Variants in AMPD3 observed in about 807,000 individuals in gnomAD.
The protein encoded by AMPD3 is AMP deaminase 3.
In AMPD3, 57 loss-of-function variants were observed where a neutral mutation model predicts 82.3. That is an observed-to-expected ratio of 0.69 (90% confidence interval 0.56 to 0.86). The LOEUF is 0.86. Ranked by LOEUF, AMPD3 falls within the 40% of genes least tolerant of loss-of-function variation. The pLI is 0.00. For synonymous variants in AMPD3, 381 were observed against 394.7 expected (o/e 0.97, Z 0.41); for missense variants, 870 against 1,003.8 (o/e 0.87, Z 1.80).
In AMPD3 at chr11:10,495,006, A is replaced by T. The variant is rs1262442280; in HGVS notation, c.1242A>T (p.Gly414=). The change falls in exon 8 of 15, where the codon GGA becomes GGT. Residue 414 remains glycine (G), a synonymous_variant. Coordinates refer to ENST00000396553, the MANE Select transcript of AMPD3 (RefSeq NM_001025389.2). ...LYLKTENYLG[G]EYFARMVKEV... ...TGAAAACTGAAAACTATCTGGGAGG[A>T]GAGTACTTTGCTCGGATGGTCAAGG... The T allele has an allele frequency of 6.2e-7, 1 of 1,614,208 alleles. No homozygotes were observed. Among genetic ancestry groups the T allele is most frequent in the Non-Finnish European group, 8.5e-7 (1 of 1,180,026 alleles).
intron 2 of AMPD3, among the ~76,000 whole-genome samples, chr11:10,463,084 C>T (rs1848318508): frequency 6.6e-6 from 1 of 152,174 alleles, no homozygotes; most frequent in Non-Finnish European, 1.5e-5. Context: ...GATTTTCTGC[C>T]TGCCCGGTAC....
intron 4 of AMPD3, chr11:10,484,189 A>G: frequency 1.0e-6 from 1 of 955,906 alleles, no homozygotes. Context: ...ACAGCAGGGA[A>G]ATTGCATAGA....
Position 10,478,597 on chromosome 11 carries a change from GC to G in AMPD3, c.299del (p.Pro100ArgfsTer60), listed in dbSNP as rs751130603. On this transcript the variant is annotated frameshift_variant, in exon 3 of 15. Coordinates refer to ENST00000396553, the MANE Select transcript of AMPD3 (RefSeq NM_001025389.2). LOFTEE classifies it high-confidence loss of function. The stretch of plus-strand genomic sequence containing the variant: ...ATGCCGCCACAGCAAGATTGGAAGG[GC>G]CCCCCGGCAGCCAGTCCGGCCATGT... ...LQMPPQQDWK[G>X]PPAASPAMSP... 11 of 1,614,032 alleles carry G rather than the reference GC, an allele frequency of 6.8e-6. No homozygotes were observed. In the African/African-American group the frequency reaches 1.1e-4, roughly 16 times the overall value.
At chr11:10,462,838 G>C (rs1290948000) in intron 2 of AMPD3, among the ~76,000 whole-genome samples, 1 of 152,218 alleles carries the variant, frequency 6.6e-6, no homozygotes, top group Non-Finnish European at 1.5e-5. Context: ...AAAGAAGCTA[G>C]CTATGTGGCC....
At chr11:10,457,231 G>C (rs1445428872) in intron 1 of AMPD3, among the ~76,000 whole-genome samples, 1 of 151,740 alleles carries the variant, frequency 6.6e-6, no homozygotes, top group East Asian at 1.9e-4. Flanking sequence ...ATCCTCTTCA[G>C]CCTCCCAAAT....
intron 10 of AMPD3, among the ~76,000 whole-genome samples, chr11:10,497,935 A>G (rs950754647): frequency 1.3e-5 from 2 of 152,324 alleles, no homozygotes; most frequent in Admixed American, 1.3e-4. Flanking sequence ...CGTGTTGGAC[A>G]CGGTGTTGAG....
At chr11:10,452,042 G>C (rs2133799127), upstream of AMPD3, among the ~76,000 whole-genome samples, 1 of 152,250 alleles carries the variant, frequency 6.6e-6, no homozygotes, top group African/African-American at 2.4e-5. Context: ...CCCTCTCTAG[G>C]AATAATGACA....
chr11:10,465,465 A>G (rs1848391577), intron 2 of AMPD3, among the ~76,000 whole-genome samples: 1 of 152,266 alleles, frequency 6.6e-6, no homozygotes, highest in South Asian at 2.1e-4. Flanking sequence ...TGCAGCTCCC[A>G]GTGAGATCGA....
At position 10,505,861 on chromosome 11, in the gene AMPD3, G is replaced by A; in HGVS notation, c.2281G>A (p.Glu761Lys). The A allele has an allele frequency of 6.2e-7, 1 of 1,614,160 alleles. No homozygotes were observed. Among genetic ancestry groups the A allele is most frequent in the East Asian group, 2.2e-5 (1 of 44,880 alleles). Reference protein sequence around the residue: ...SFLSDAMKSEEITALTN With the variant: ...SFLSDAMKSEKITALTN ...CCTGTCTGATGCTATGAAATCAGAA[G>A]AGATCACCGCCTTGACCAACTAGGT... The change falls in exon 15 of 15, where the codon GAG becomes AAG. Residue 761 changes from glutamate (E) to lysine (K), a missense_variant. Transcript: ENST00000396553.
chr11:10,478,839 T>G, intron 3 of AMPD3, 109 bp downstream of exon 3: 11 of 1,218,310 alleles, frequency 9.0e-6, no homozygotes, highest in Non-Finnish European at 1.3e-5. Flanking sequence ...CGTGGATGTC[T>G]GGGAGAAGGT....
At chr11:10,497,861 C>A in intron 10 of AMPD3, 1 of 983,472 alleles carries the variant, frequency 1.0e-6, no homozygotes, top group Non-Finnish European at 1.2e-6. Flanking sequence ...CTAAGCCTCA[C>A]AATTACCCCG....
At chr11:10,495,189 G>A in intron 8 of AMPD3, 159 bp downstream of exon 8, 2 of 985,412 alleles carry the variant, frequency 2.0e-6, no homozygotes, top group Non-Finnish European at 2.4e-6. Flanking sequence ...CTGTGGTCTG[G>A]CTGCCTGCTC....
intron 4 of AMPD3, chr11:10,484,446 T>C: frequency 1.0e-6 from 1 of 985,368 alleles, no homozygotes; most frequent in Non-Finnish European, 1.2e-6. Context: ...TTTTTAATAT[T>C]CCTGGAATCT....
upstream of AMPD3, among the ~76,000 whole-genome samples, chr11:10,452,250 G>GAAA (rs1011279547): frequency 3.2e-4 from 49 of 152,076 alleles, no homozygotes; most frequent in African/African-American, 1.1e-3. Context: ...CTCAGGTCTT[G>GAAA]AAAATGTCAT....
At chr11:10,495,379 C>T (rs1285423601) in intron 8 of AMPD3, 191 bp from the exon 9 acceptor site, 1 of 984,946 alleles carries the variant, frequency 1.0e-6, no homozygotes, top group Non-Finnish European at 1.2e-6. Context: ...AGGCCTTCCT[C>T]ACCAGAGGGG....
chr11:10,475,863 C>G (rs1848722721), intron 2 of AMPD3, among the ~76,000 whole-genome samples: 1 of 152,142 alleles, frequency 6.6e-6, no homozygotes, highest in African/African-American at 2.4e-5. Context: ...GGACTCCAGC[C>G]TTGTGGGCAC....
Position 10,504,665 on chromosome 11 carries a change from G to A in AMPD3, c.2127+6G>A, listed in dbSNP as rs780178102. On this transcript the variant is annotated splice_donor_region_variant and intron_variant, in intron 14 of 14. Coordinates refer to ENST00000396553, the MANE Select transcript of AMPD3 (RefSeq NM_001025389.2). ...AGAGCGGCCTCTCGCATCAGGTATG[G>A]AGTGTGACGGTGCTGCCTGTGTCCC... 39 of 1,613,274 alleles carry A rather than the reference G, an allele frequency of 2.4e-5. No individual in the cohort carries two copies. The South Asian group carries it at 3.1e-4, about 13-fold the overall frequency.
intron 10 of AMPD3, chr11:10,497,552 C>T (rs977911129): frequency 1.0e-6 from 1 of 984,878 alleles, no homozygotes; most frequent in Admixed American, 6.1e-5. Flanking sequence ...TGATGGATGA[C>T]TTTCTACAGG....
intron 6 of AMPD3, chr11:10,488,150 G>C: frequency 1.1e-6 from 1 of 949,840 alleles, no homozygotes; most frequent in South Asian, 4.9e-5. Flanking sequence ...CCTTGTCCGG[G>C]GCTCCTGGCA....
Sources: allele counts gnomAD v4.1 joint callset (sites outside exome capture counted in the v4.1 genomes callset), GRCh38; gene constraint gnomAD v4.1.1; transcripts MANE v1.5; gene names NCBI Gene and HGNC (gene_info 2026-07-23, HGNC 2026-07-21).